Variants in PSD3 observed in about 807,000 individuals in gnomAD.
The protein encoded by PSD3 is PH and SEC7 domain-containing protein 3.
Under a neutral mutation model 105.5 loss-of-function variants are expected in PSD3, and 49 were observed. The observed-to-expected ratio is 0.46, with a 90% confidence interval of 0.37 to 0.59. The LOEUF is 0.59. PSD3 is among the 20% of genes least tolerant of loss of function. The pLI is 0.00. For synonymous variants in PSD3, 557 were observed against 457.8 expected, an observed-to-expected ratio of 1.22 and a Z score of -2.77; for missense variants, 1,561 against 1,263.8, an observed-to-expected ratio of 1.24 and a Z score of -3.57.
chr8:18,861,297 G>A (rs982009106), intron 4 of PSD3, among the ~76,000 whole-genome samples: 4 of 152,090 alleles, frequency 2.6e-5, no homozygotes, highest in Non-Finnish European at 4.4e-5. Flanking sequence ...CTACAGAGAT[G>A]GCATTAGAAG....
At chr8:18,666,066 T>G (rs955818052) in intron 9 of PSD3, among the ~76,000 whole-genome samples, 1 of 152,158 alleles carries the variant, frequency 6.6e-6, no homozygotes, top group African/African-American at 2.4e-5. Context: ...ATACCTTTTT[T>G]TTTGAGACAG....
At chr8:18,772,584 C>T (rs1330033686) in intron 8 of PSD3, among the ~76,000 whole-genome samples, 1 of 152,208 alleles carries the variant, frequency 6.6e-6, no homozygotes, top group African/African-American at 2.4e-5. Flanking sequence ...TCTCTGGTCA[C>T]TGTGACCTCC....
chr8:18,788,010 G>A (rs561741142), intron 8 of PSD3, among the ~76,000 whole-genome samples: 1 of 152,266 alleles, frequency 6.6e-6, no homozygotes, highest in African/African-American at 2.4e-5. Context: ...ACTATAATTG[G>A]TGTGAAGATG....
intron 9 of PSD3, among the ~76,000 whole-genome samples, chr8:18,667,781 G>A (rs1799560634): frequency 6.6e-6 from 1 of 152,178 alleles, no homozygotes; most frequent in Non-Finnish European, 1.5e-5. Context: ...TGGCGGGGTG[G>A]GGGAGGCTCA....
intron 12 of PSD3, among the ~76,000 whole-genome samples, chr8:18,579,126 A>G (rs1802646124): frequency 6.6e-6 from 1 of 151,968 alleles, no homozygotes; most frequent in East Asian, 1.9e-4. Flanking sequence ...ACACACACAC[A>G]CACACACAAA....
intron 8 of PSD3, among the ~76,000 whole-genome samples, chr8:18,775,899 C>T (rs994358991): frequency 2.6e-5 from 4 of 152,090 alleles, no homozygotes; most frequent in Middle Eastern, 3.2e-3. Flanking sequence ...CCTCCCCCGC[C>T]GACCCCCTGC....
chr8:18,932,448 G>A lies in PSD3; in HGVS notation c.130+3586C>T, dbSNP rs184289664. Among the ~76,000 whole-genome samples the A allele has an allele frequency of 1.1e-3, 171 of 152,254 alleles. 1 individual carries two copies. The highest frequency in any genetic ancestry group is 3.9e-3 in the African/African-American group (162 of 41,570). The stretch of plus-strand genomic sequence containing the variant: ...TTTATGAAGTTCTACAATTCTCCAC[G>A]CAACTGAATAACCCATGAAGATACC... On this transcript the variant is annotated intron_variant, in intron 2 of 15. Coordinates refer to ENST00000327040, the MANE Select transcript of PSD3 (RefSeq NM_015310.4).
intron 11 of PSD3, among the ~76,000 whole-genome samples, chr8:18,603,220 T>A (rs1276967582): frequency 1.3e-5 from 2 of 152,234 alleles, no homozygotes; most frequent in Non-Finnish European, 2.9e-5. Context: ...CTTTCCTTCT[T>A]GAAAATACAA....
intron 1 of PSD3, among the ~76,000 whole-genome samples, chr8:19,037,671 G>T (rs1247087243): frequency 1.3e-5 from 2 of 152,110 alleles, no homozygotes; most frequent in African/African-American, 2.4e-5. Flanking sequence ...CTCTATTTAG[G>T]CTGGCACATC....
intron 1 of PSD3, among the ~76,000 whole-genome samples, chr8:19,007,179 G>C (rs897005777): frequency 2.6e-5 from 4 of 151,860 alleles, no homozygotes; most frequent in Non-Finnish European, 5.9e-5. Flanking sequence ...GCTTGAGCCC[G>C]AGGCAGAGGT....
At chr8:18,587,775 G>A (rs112712269) in intron 12 of PSD3, among the ~76,000 whole-genome samples, 1,765 of 152,128 alleles carry the variant, frequency 0.012, 20 homozygotes, top group Non-Finnish European at 0.018. Flanking sequence ...GTGTAGGCAG[G>A]GATTGTATCT....
chr8:19,083,393 G>A (rs1829704339), intron 1 of PSD3, among the ~76,000 whole-genome samples: 1 of 152,152 alleles, frequency 6.6e-6, no homozygotes, highest in Non-Finnish European at 1.5e-5. Flanking sequence ...TAACAACAAG[G>A]GCAGGCAAGG....
chr8:18,547,626 G>A (rs1800525483), intron 15 of PSD3, among the ~76,000 whole-genome samples: 2 of 152,134 alleles, frequency 1.3e-5, no homozygotes. Flanking sequence ...CTCTAATTGA[G>A]TTTCAGTTGT....
chr8:18,555,476 T>C (rs1262886884), intron 15 of PSD3, among the ~76,000 whole-genome samples: 1 of 152,212 alleles, frequency 6.6e-6, no homozygotes, highest in African/African-American at 2.4e-5. Flanking sequence ...TAATTAATTC[T>C]TTTTATTTTG....
intron 2 of PSD3, among the ~76,000 whole-genome samples, chr8:18,923,657 T>C (rs1312090057): frequency 2.6e-5 from 4 of 152,216 alleles, no homozygotes; most frequent in Non-Finnish European, 5.9e-5. Flanking sequence ...AGCCTAGGTG[T>C]GCAGTAGGTA....
intron 1 of PSD3, among the ~76,000 whole-genome samples, chr8:18,974,874 G>A (rs913352590): frequency 6.6e-6 from 1 of 151,884 alleles, no homozygotes; most frequent in Non-Finnish European, 1.5e-5. Flanking sequence ...AGGAAAGGGT[G>A]GACCGCAGTG....
intron 2 of PSD3, among the ~76,000 whole-genome samples, chr8:18,882,914 T>C (rs891612021): frequency 6.6e-6 from 1 of 152,162 alleles, no homozygotes; most frequent in East Asian, 1.9e-4. Flanking sequence ...GGAGTATGTA[T>C]GTCTGTATAG....
intron 4 of PSD3, among the ~76,000 whole-genome samples, chr8:18,812,774 G>A (rs1244707835): frequency 2.0e-5 from 3 of 152,190 alleles, no homozygotes; most frequent in African/African-American, 4.8e-5. Context: ...GGAAAGACAC[G>A]TGCCAGGGTG....
At chr8:18,865,271 TA>T (rs1816819374) in intron 4 of PSD3, 12 of 4,342 alleles carry the variant, frequency 2.8e-3, no homozygotes, top group Non-Finnish European at 4.4e-3. Context: ...TATATATATA[TA>T]TATATATATA....
Sources: allele counts gnomAD v4.1 joint callset (sites outside exome capture counted in the v4.1 genomes callset), GRCh38; gene constraint gnomAD v4.1.1; transcripts MANE v1.5; gene names NCBI Gene and HGNC (gene_info 2026-07-23, HGNC 2026-07-21).